HTR4: variants seen among roughly 807,000 people sequenced by gnomAD.
The protein encoded by HTR4 is 5-hydroxytryptamine receptor 4, also known as 5-hydroxytryptamine (serotonin) receptor 4, G protein-coupled.
Under a neutral mutation model 36.8 loss-of-function variants are expected in HTR4, and 16 were observed. The ratio of observed to expected loss-of-function variants is 0.43; its 90% CI spans 0.29 to 0.66. HTR4 has a LOEUF of 0.66. HTR4 is among the 30% of genes least tolerant of loss of function. The pLI is 0.13. For synonymous variants in HTR4, 189 were observed against 185.1 expected, an observed-to-expected ratio of 1.02 and a Z score of -0.17; for missense variants, 438 against 490.9, an observed-to-expected ratio of 0.89 and a Z score of 1.02.
chr5:148,578,512 C>A (rs2127240393), intron 2 of HTR4, among the ~76,000 whole-genome samples: 1 of 152,142 alleles, frequency 6.6e-6, no homozygotes, highest in East Asian at 1.9e-4. Context: ...CAATGAACAT[C>A]ATGTCTTAAC....
chr5:148,507,009 C>T (rs898811770), intron 6 of HTR4, among the ~76,000 whole-genome samples: 8 of 152,138 alleles, frequency 5.3e-5, no homozygotes, highest in African/African-American at 1.9e-4. Flanking sequence ...TTTGACCCAG[C>T]CATCCTGTTA....
At chr5:148,496,065 A>T (rs1756672018) in intron 6 of HTR4, among the ~76,000 whole-genome samples, 2 of 152,270 alleles carry the variant, frequency 1.3e-5, no homozygotes, top group Admixed American at 6.5e-5. Context: ...GCGCCACTGC[A>T]CTCCAGCCTG....
intron 5 of HTR4, among the ~76,000 whole-genome samples, chr5:148,471,277 G>A (rs1267168443): frequency 6.6e-6 from 1 of 152,112 alleles, no homozygotes; most frequent in East Asian, 1.9e-4. Context: ...AGAGCTAGCC[G>A]ACCCCATGCC....
chr5:148,510,158 T>C (rs904054401), intron 5 of HTR4, 134 bp from the exon 6 acceptor site: 5 of 588,612 alleles, frequency 8.5e-6, no homozygotes, highest in Non-Finnish European at 1.5e-5. Context: ...GATTGGAAGA[T>C]AAAAAGAAGG....
chr5:148,562,660 T>C (rs1760265856), intron 2 of HTR4, among the ~76,000 whole-genome samples: 1 of 152,178 alleles, frequency 6.6e-6, no homozygotes, highest in Admixed American at 6.6e-5. Context: ...ATGAGACAGC[T>C]TAAATTTAAC....
chr5:148,644,422 G>GATTTTT, intron 1 of HTR4, among the ~76,000 whole-genome samples: 1 of 40,584 alleles, frequency 2.5e-5, no homozygotes, highest in Non-Finnish European at 4.2e-5. Flanking sequence ...AAGCTCACAA[G>GATTTTT]TTTTTTTTTT....
chr5:148,530,101 G>C (rs1450266513), intron 4 of HTR4, among the ~76,000 whole-genome samples: 1 of 152,130 alleles, frequency 6.6e-6, no homozygotes, highest in South Asian at 2.1e-4. Flanking sequence ...GTTTTATAAG[G>C]AAAGCAGAGC....
chr5:148,511,770 G>C (rs747031607), intron 5 of HTR4, among the ~76,000 whole-genome samples: 2 of 151,988 alleles, frequency 1.3e-5, no homozygotes, highest in African/African-American at 4.8e-5. Flanking sequence ...TTTCCACCAC[G>C]AGAGCAGGAG....
Position 148,654,115 on chromosome 5 carries a change from C to G in HTR4, c.-101G>C. The G allele has an allele frequency of 1.0e-6, 1 of 985,624 alleles. No homozygotes were observed. The highest frequency in any genetic ancestry group is 1.2e-6 in the Non-Finnish European group (1 of 830,044). The allele number at this position is 985,624 out of a possible 1,614,324, so 61.1% of individuals were successfully genotyped here. On this transcript the variant is annotated 5_prime_UTR_variant, in exon 1 of 7. Coordinates refer to ENST00000377888, the MANE Select transcript of HTR4 (RefSeq NM_000870.7). ...CCCTGGCAGATTCGAGCGGCCACCCCCAGCCGCTGAGCCGAGCTTCTGCTG... is the reference window on the plus strand; with the variant it reads ...CCCTGGCAGATTCGAGCGGCCACCCGCAGCCGCTGAGCCGAGCTTCTGCTG...
At chr5:148,567,732 T>A (rs1000099746) in intron 2 of HTR4, among the ~76,000 whole-genome samples, 1 of 152,184 alleles carries the variant, frequency 6.6e-6, no homozygotes, top group Admixed American at 6.6e-5. Context: ...TGTCTTCACT[T>A]AGGTCTCTGC....
At chr5:148,513,005 T>C (rs1757566894) in intron 5 of HTR4, among the ~76,000 whole-genome samples, 1 of 151,784 alleles carries the variant, frequency 6.6e-6, no homozygotes, top group South Asian at 2.1e-4. Context: ...TTAATTTTTA[T>C]GTCTTTTTTT....
At chr5:148,586,849 C>A (rs1561635468) in intron 2 of HTR4, among the ~76,000 whole-genome samples, 1 of 152,158 alleles carries the variant, frequency 6.6e-6, no homozygotes, top group African/African-American at 2.4e-5. Context: ...ATGAGATGGT[C>A]CAACTTCTCT....
rs982963044 is a variant in HTR4, at chr5:148,629,979, G to A, written c.26+7010C>T. On this transcript the variant is annotated intron_variant, in intron 2 of 6. Transcript: ENST00000377888. ...TTGGGCGATGAGGTGAGAAAGAGGA[G>A]TATATTTCTTCTCTATTTGGAGGTG... 3.3e-5 allele frequency: 5 copies of A among 152,274 alleles called. No homozygotes were observed. The East Asian group carries it at 7.7e-4, about 24-fold the overall frequency. The allele number at this position is 152,274 out of a possible 1,614,324, so 9.4% of individuals were successfully genotyped here.
intron 2 of HTR4, among the ~76,000 whole-genome samples, chr5:148,599,036 A>T: frequency 6.6e-6 from 1 of 152,218 alleles, no homozygotes; most frequent in Non-Finnish European, 1.5e-5. Flanking sequence ...CAGGACATAG[A>T]TAAAGAGAAC....
At chr5:148,647,584 C>T (rs2127317932) in intron 1 of HTR4, among the ~76,000 whole-genome samples, 1 of 152,266 alleles carries the variant, frequency 6.6e-6, no homozygotes, top group Non-Finnish European at 1.5e-5. Flanking sequence ...GGTGGTGGCT[C>T]ACGCCTGTAA....
intron 4 of HTR4, among the ~76,000 whole-genome samples, chr5:148,534,694 C>A (rs892574544): frequency 2.6e-5 from 4 of 152,114 alleles, no homozygotes; most frequent in Non-Finnish European, 4.4e-5. Context: ...GTCCCACCTA[C>A]TCCTTCTGCT....
At chr5:148,540,530 C>T (rs991682617) in intron 4 of HTR4, among the ~76,000 whole-genome samples, 14 of 146,062 alleles carry the variant, frequency 9.6e-5, no homozygotes, top group African/African-American at 1.8e-4. Context: ...TCCAGCTGAT[C>T]ATGGGAGATA....
chr5:148,452,844 T>C (rs992758706), intron 5 of HTR4, among the ~76,000 whole-genome samples: 8 of 152,204 alleles, frequency 5.3e-5, no homozygotes, highest in African/African-American at 1.9e-4. Flanking sequence ...TCAGCCACTA[T>C]TAACTAGGGT....
At chr5:148,598,601 G>A (rs1761871454) in intron 2 of HTR4, among the ~76,000 whole-genome samples, 1 of 152,004 alleles carries the variant, frequency 6.6e-6, no homozygotes, top group Non-Finnish European at 1.5e-5. Flanking sequence ...AGTAAAATCA[G>A]TGAAGGTTAG....
Sources: gnomAD v4.1 joint callset for allele counts (sites outside exome capture counted in the v4.1 genomes callset) on GRCh38, gnomAD v4.1.1 for gene constraint, MANE v1.5 for transcripts, NCBI Gene and HGNC (gene_info 2026-07-23, HGNC 2026-07-21) for gene names.